LGI2: variants seen among roughly 807,000 people sequenced by gnomAD.
LGI2 encodes leucine rich repeat LGI family member 2.
A neutral mutation model predicts 52.0 loss-of-function variants in LGI2; 30 were observed. The observed-to-expected ratio is 0.58, with a 90% CI of 0.43 to 0.78. The LOEUF is 0.78. LGI2 is among the 30% of genes least tolerant of loss of function. The pLI is 0.00. For synonymous variants in LGI2, 270 were observed against 271.8 expected (o/e 0.99, Z 0.06); for missense variants, 573 against 692.5 (o/e 0.83, Z 1.94).
At chr4:25,008,912 G>A (rs1035596776) in intron 7 of LGI2, among the ~76,000 whole-genome samples, 5 of 152,180 alleles carry the variant, frequency 3.3e-5, no homozygotes, top group African/African-American at 4.8e-5. Flanking sequence ...ACACCCACTC[G>A]GATCGCACTG....
At chr4:25,005,701 A>G (rs1332374682) in intron 7 of LGI2, among the ~76,000 whole-genome samples, 1 of 152,134 alleles carries the variant, frequency 6.6e-6, no homozygotes, top group Non-Finnish European at 1.5e-5. Flanking sequence ...TCTCAGAGGC[A>G]GGAGAAAAAG....
At chr4:25,012,196 G>T in intron 7 of LGI2, 139 bp downstream of exon 7, 1 of 882,658 alleles carries the variant, frequency 1.1e-6, no homozygotes, top group Non-Finnish European at 1.8e-6. Context: ...AGACCCAGAG[G>T]GAAGGCTGGG....
chr4:25,004,398 C>T lies in LGI2; in HGVS notation c.821-130G>A, dbSNP rs2109404113. 2 of 816,528 alleles carry T rather than the reference C, an allele frequency of 2.4e-6. No homozygotes were observed. Among genetic ancestry groups the T allele is most frequent in the East Asian group, 2.6e-5 (1 of 39,004 alleles). 50.6% of individuals were successfully genotyped at this position (816,528 alleles called of 1,614,324 possible). Reference sequence around the variant, plus strand: ...CACTATGGAAAACAGTATGGTGGTTCCTTGAAAAATTAAACATGGAATTAC... The same window carrying T: ...CACTATGGAAAACAGTATGGTGGTTTCTTGAAAAATTAAACATGGAATTAC... On this transcript the variant is annotated intron_variant, in intron 7 of 7. Transcript: ENST00000382114. The surrounding 1 kb of genome is among the most constrained non-coding windows in gnomAD (Gnocchi z 4.6).
chr4:25,030,613 G>C lies in LGI2; in HGVS notation c.81C>G (p.Ser27Arg). 3.8e-6 allele frequency: 6 copies of C among 1,559,506 alleles called. No homozygotes were observed. Among genetic ancestry groups the C allele is most frequent in the Non-Finnish European group, 5.2e-6 (6 of 1,153,368 alleles). The change falls in exon 1 of 8, where the codon AGC (serine) becomes AGG (arginine). Residue 27 changes from serine (S) to arginine (R), a missense_variant. Transcript: ENST00000382114. The stretch of plus-strand genomic sequence containing the variant: ...AGCGCGCCAGCCGCCTCACCTGCGC[G>C]CTCCGCGGTATCAGGCACGCGGCGC... ...LLGAACLIPR[S>R]AQVRRLARCP...
chr4:25,016,123 A>G (rs1373274264), intron 6 of LGI2, among the ~76,000 whole-genome samples: 7 of 152,194 alleles, frequency 4.6e-5, no homozygotes, highest in Admixed American at 2.0e-4. Context: ...CCAAGCTACC[A>G]CCATTCCAAT....
intron 5 of LGI2, 27 bp from the exon 6 acceptor site, chr4:25,018,185 C>A: frequency 6.6e-7 from 1 of 1,526,052 alleles, no homozygotes; most frequent in Non-Finnish European, 8.9e-7. Flanking sequence ...AACACAAACA[C>A]ATACAAAGAG....
intron 7 of LGI2, among the ~76,000 whole-genome samples, chr4:25,008,449 A>C (rs2109407832): frequency 6.7e-6 from 1 of 149,002 alleles, no homozygotes; most frequent in Non-Finnish European, 1.5e-5. Flanking sequence ...GATACTCGGG[A>C]GGCTGAGGCC....
Position 25,018,080 on chromosome 4 carries a change from G to A in LGI2, c.564C>T (p.Thr188=), listed in dbSNP as rs149232802. The change falls in exon 6 of 8, where the codon ACC becomes ACT. Residue 188 remains threonine, a synonymous_variant. Coordinates refer to ENST00000382114, the MANE Select transcript of LGI2 (RefSeq NM_018176.4). ...LYLWLKMTNS[T]VSDVLCIGPP... The stretch of plus-strand genomic sequence containing the variant: ...GACCAATACACAGCACATCAGAAAC[G>A]GTGGAATTTGTCATCTTCAACCACA... 200 of 1,613,586 alleles carry A rather than the reference G, an allele frequency of 1.2e-4. No individual in the cohort carries two copies. In the African/African-American group the frequency reaches 2.1e-3, roughly 17 times the overall value.
intron 1 of LGI2, 105 bp downstream of exon 1, chr4:25,030,392 G>C (rs1726298044): frequency 8.1e-7 from 1 of 1,228,142 alleles, no homozygotes; most frequent in East Asian, 2.7e-5. Context: ...AGGGGCCTGG[G>C]GAGTGGGTCA....
intron 3 of LGI2, among the ~76,000 whole-genome samples, chr4:25,025,410 C>T (rs979977818): frequency 2.0e-5 from 3 of 152,200 alleles, no homozygotes; most frequent in Non-Finnish European, 4.4e-5. Context: ...GTGTCCTACA[C>T]CATCTAGTCA....
At chr4:25,021,545 T>C (rs1434434310) in intron 4 of LGI2, among the ~76,000 whole-genome samples, 1 of 152,164 alleles carries the variant, frequency 6.6e-6, no homozygotes, top group Non-Finnish European at 1.5e-5. Flanking sequence ...TAGAGGTTTT[T>C]AGAAGGGGAG....
intron 6 of LGI2, 28 bp from the exon 7 acceptor site, chr4:25,012,527 C>T (rs373397185): frequency 4.0e-5 from 65 of 1,609,604 alleles, no homozygotes; most frequent in Admixed American, 3.5e-4. Context: ...AAAAGAAAAG[C>T]GTTCATAAAA....
At chr4:25,026,811 C>T (rs1726165238) in intron 3 of LGI2, 57 bp downstream of exon 3, 1 of 1,371,282 alleles carries the variant, frequency 7.3e-7, no homozygotes, top group South Asian at 1.2e-5. Flanking sequence ...AGAAACCAAT[C>T]CAGAAATTCT....
intron 7 of LGI2, among the ~76,000 whole-genome samples, chr4:25,006,587 G>A (rs1725398301): frequency 6.6e-6 from 1 of 152,128 alleles, no homozygotes; most frequent in African/African-American, 2.4e-5. Context: ...TTTCCCTGAG[G>A]ATATGTGTGT....
Position 25,010,996 on chromosome 4 carries a change from C to T in LGI2, c.820+1339G>A, listed in dbSNP as rs78560148. Among the ~76,000 whole-genome samples, 804 of 152,048 alleles carry T rather than the reference C, an allele frequency of 5.3e-3. 7 individuals are homozygous for T. Among genetic ancestry groups the T allele is most frequent in the African/African-American group, 0.018 (762 of 41,472 alleles). ...ACTTGGGAGGCTGGGGCAGGAGGAT[C>T]CCTTGAGCCCAGGAGTTCCAGGTTG... On this transcript the variant is annotated intron_variant, in intron 7 of 7. Coordinates refer to ENST00000382114, the MANE Select transcript of LGI2 (RefSeq NM_018176.4).
chr4:25,019,721 C>A (rs1243519390), intron 4 of LGI2, among the ~76,000 whole-genome samples: 1 of 152,216 alleles, frequency 6.6e-6, no homozygotes, highest in Non-Finnish European at 1.5e-5. Context: ...CTTTCCCCAG[C>A]TATCCATTTG....
intron 7 of LGI2, among the ~76,000 whole-genome samples, chr4:25,011,422 G>A (rs144628524): frequency 2.0e-3 from 301 of 152,104 alleles, no homozygotes; most frequent in African/African-American, 7.0e-3. Flanking sequence ...CGGAGCATCC[G>A]TTGTACATCT....
rs1725342219 is a variant in LGI2 at position 25,004,495 on chromosome 4, T to C, written c.821-227A>G. Among the ~76,000 whole-genome samples, 1 of 152,222 alleles carries C rather than the reference T, an allele frequency of 6.6e-6. No individual in the cohort carries two copies. The highest frequency in any genetic ancestry group is 1.5e-5 in the Non-Finnish European group (1 of 68,050). ...GAAAGCAGTGACTCAAAGAGATATC[T>C]GTACACCTAATGCTATAGACCAAAT... On this transcript the variant is annotated intron_variant, in intron 7 of 7. Coordinates refer to ENST00000382114, the MANE Select transcript of LGI2 (RefSeq NM_018176.4). The surrounding 1 kb of genome is among the most constrained non-coding windows in gnomAD (Gnocchi z 4.6).
chr4:25,012,334 C>T lies in LGI2; in HGVS notation c.820+1G>A. 16 of 1,614,198 alleles carry T rather than the reference C, an allele frequency of 9.9e-6. No homozygotes were observed. Among genetic ancestry groups the T allele is most frequent in the Non-Finnish European group, 1.4e-5 (16 of 1,179,998 alleles). ...CACATCTGATCAAAGCCACAACACA[C>T]CTGTAATGTTGTCATAGCTCCGGAA... On this transcript the variant is annotated splice_donor_variant, in intron 7 of 7. Coordinates refer to ENST00000382114, the MANE Select transcript of LGI2 (RefSeq NM_018176.4). LOFTEE classifies it high-confidence loss of function.
Sources: gnomAD v4.1 joint callset for allele counts (sites outside exome capture counted in the v4.1 genomes callset) on GRCh38, gnomAD v4.1.1 for gene constraint, Gnocchi (gnomAD v3.1) non-coding constraint, MANE v1.5 for transcripts, NCBI Gene and HGNC (gene_info 2026-07-23, HGNC 2026-07-21) for gene names.